EPHA10: variants seen among roughly 807,000 people sequenced by gnomAD.
EPHA10 encodes the protein ephrin type-A receptor 10.
Under a neutral mutation model 109.7 loss-of-function variants are expected in EPHA10, and 120 were observed. The observed-to-expected ratio is 1.09, with a 90% CI of 0.94 to 1.27. The LOEUF is 1.27. Among genes scored for constraint, EPHA10 ranks in the 50% most tolerant of loss-of-function variants. The pLI is 0.00. For synonymous variants in EPHA10, 640 were observed against 618.9 expected, an observed-to-expected ratio of 1.03 and a Z score of -0.51; for missense variants, 1,396 against 1,411.1, an observed-to-expected ratio of 0.99 and a Z score of 0.17.
At chr1:37,721,315 C>A (rs1177200687) in intron 11 of EPHA10, among the ~76,000 whole-genome samples, 5 of 150,508 alleles carry the variant, frequency 3.3e-5, no homozygotes, top group Non-Finnish European at 7.4e-5. Context: ...GTAGTCCCAG[C>A]TGCTCGGGAG....
chr1:37,762,087 G>A lies in EPHA10; in HGVS notation c.172-4C>T. Reference sequence around the variant, plus strand: ...CCACGCCGCTGATCTCCTCCCACTGGGGACAAGAGTAAAGGGGTGGGCAGC... The same window carrying A: ...CCACGCCGCTGATCTCCTCCCACTGAGGACAAGAGTAAAGGGGTGGGCAGC... On this transcript the variant is annotated splice_region_variant and splice_polypyrimidine_tract_variant and intron_variant, in intron 2 of 16. Coordinates refer to ENST00000373048, the MANE Select transcript of EPHA10 (RefSeq NM_001099439.2). 1 of 1,574,876 alleles carries A rather than the reference G, an allele frequency of 6.3e-7. No homozygotes were observed. Among genetic ancestry groups the A allele is most frequent in the Non-Finnish European group, 8.6e-7 (1 of 1,158,486 alleles).
intron 5 of EPHA10, among the ~76,000 whole-genome samples, chr1:37,748,471 T>C (rs894997345): frequency 2.6e-5 from 4 of 152,226 alleles, no homozygotes; most frequent in Non-Finnish European, 5.9e-5. Flanking sequence ...TTGTTAAAAC[T>C]GTCCCAGAGC....
intron 10 of EPHA10, chr1:37,722,694 G>A (rs2148313168): frequency 2.5e-6 from 1 of 397,914 alleles, no homozygotes; most frequent in Non-Finnish European, 4.9e-6. Flanking sequence ...CAGTGGGAGA[G>A]CCAGGACTAG....
At chr1:37,719,709 C>T in intron 14 of EPHA10, 102 bp from the exon 15 acceptor site, 1 of 1,434,152 alleles carries the variant, frequency 7.0e-7, no homozygotes, top group Non-Finnish European at 9.6e-7. Context: ...CACACACACA[C>T]ACATGCGCAC....
At chr1:37,715,965 G>A (rs779021408), downstream of EPHA10, 17 of 583,444 alleles carry the variant, frequency 2.9e-5, 1 homozygote, top group South Asian at 2.2e-4. Flanking sequence ...GCCACTCAAA[G>A]AGGCACCATA....
chr1:37,720,032 G>A lies in EPHA10; in HGVS notation c.2439C>T (p.Ala813=), dbSNP rs780310300. 9.9e-6 allele frequency: 16 copies of A among 1,613,510 alleles called. No homozygotes were observed. Among genetic ancestry groups the A allele is most frequent in the African/African-American group, 6.7e-5 (5 of 74,904 alleles). ...TMSGRSPALW[A]APETLQFGHF... Reference sequence around the variant, plus strand: ...GGCCAAACTGAAGTGTCTCGGGAGCGGCCCATAGCGCTGGGCTCCGGCCAC... The same window carrying A: ...GGCCAAACTGAAGTGTCTCGGGAGCAGCCCATAGCGCTGGGCTCCGGCCAC... The change falls in exon 14 of 17, where the codon GCC becomes GCT. Residue 813 remains alanine (A), a synonymous_variant. Coordinates refer to ENST00000373048, the MANE Select transcript of EPHA10 (RefSeq NM_001099439.2).
In EPHA10 at chr1:37,720,031, C is replaced by T. The variant is rs376540009; in HGVS notation, c.2440G>A (p.Ala814Thr). Reference sequence around the variant, plus strand: ...TGGCCAAACTGAAGTGTCTCGGGAGCGGCCCATAGCGCTGGGCTCCGGCCA... The same window carrying T: ...TGGCCAAACTGAAGTGTCTCGGGAGTGGCCCATAGCGCTGGGCTCCGGCCA... ...MSGRSPALWA[A>T]PETLQFGHFS... Residue 814 changes from alanine to threonine, a missense_variant, in exon 14 of 17, where the codon GCT becomes ACT. By Grantham distance (58) the Ala-to-Thr change is moderately conservative. Coordinates refer to ENST00000373048, the MANE Select transcript of EPHA10 (RefSeq NM_001099439.2). The T allele has an allele frequency of 3.5e-5, 57 of 1,613,484 alleles. No homozygotes were observed. The highest frequency in any genetic ancestry group is 2.4e-4 in the African/African-American group (18 of 74,906).
chr1:37,730,362 G>A (rs866140374), intron 7 of EPHA10, among the ~76,000 whole-genome samples: 3 of 152,192 alleles, frequency 2.0e-5, no homozygotes, highest in Non-Finnish European at 1.5e-5. Context: ...GTGCCAGAAT[G>A]CCTCTTAGGG....
At chr1:37,746,896 T>C (rs1392051330) in intron 5 of EPHA10, among the ~76,000 whole-genome samples, 3 of 152,204 alleles carry the variant, frequency 2.0e-5, no homozygotes, top group Non-Finnish European at 4.4e-5. Context: ...ATTCCATGTA[T>C]TGAGATGCCA....
intron 5 of EPHA10, among the ~76,000 whole-genome samples, chr1:37,739,688 CAAAAAA>C (rs66804054): frequency 0.27 from 20,792 of 78,024 alleles, 1,648 homozygotes; most frequent in South Asian, 0.34. Flanking sequence ...GACCCTGTCT[CAAAAAA>C]AAAAAAAAAA....
At position 37,765,097 on chromosome 1, in the gene EPHA10, C is replaced by A. The variant is rs750088625; in HGVS notation, c.-31G>T. On this transcript the variant is annotated 5_prime_UTR_variant, in exon 1 of 17. Transcript: ENST00000373048. ...GCAGACCGAGCTGTCAGTCCGGCGG[C>A]GGCTCAAGCCGCGCCAGCCTAGCAC... The A allele has an allele frequency of 6.4e-7, 1 of 1,553,296 alleles. No homozygotes were observed.
intron 11 of EPHA10, 148 bp downstream of exon 11, chr1:37,721,512 T>G: frequency 1.3e-6 from 1 of 744,134 alleles, no homozygotes. Context: ...CCGCCTTGAG[T>G]CAGTGAAAGC....
At chr1:37,750,280 G>A (rs562762751) in intron 5 of EPHA10, among the ~76,000 whole-genome samples, 47 of 152,190 alleles carry the variant, frequency 3.1e-4, no homozygotes, top group Non-Finnish European at 5.0e-4. Context: ...ACCTTTTCAC[G>A]TTGGCAAAAT....
intron 8 of EPHA10, among the ~76,000 whole-genome samples, chr1:37,726,253 A>G (rs189462815): frequency 6.6e-6 from 1 of 151,814 alleles, no homozygotes; most frequent in African/African-American, 2.4e-5. Flanking sequence ...GGAACTCCCT[A>G]CTCTTGTCCT....
chr1:37,730,318 A>G (rs1210086191), intron 7 of EPHA10, among the ~76,000 whole-genome samples: 1 of 152,168 alleles, frequency 6.6e-6, no homozygotes. Context: ...AGAGTCATGT[A>G]GCAGGTTGGA....
chr1:37,753,034 G>T lies in EPHA10; in HGVS notation c.1199C>A (p.Pro400Gln), dbSNP rs1289081385. ...EPCGPRVAFL[P>Q]RQAGLRERAA... ...TCGCTCCCGCAGCCCTGCCTGGCGC[G>T]GTAGGAAGGCCACGCGCGGCCCGCA... Residue 400 changes from proline to glutamine, a missense_variant, in exon 5 of 17, where the codon CCG becomes CAG. Physicochemically the swap from Pro to Gln is moderately conservative, Grantham distance 76. Coordinates refer to ENST00000373048, the MANE Select transcript of EPHA10 (RefSeq NM_001099439.2). 6 of 1,233,398 alleles carry T rather than the reference G, an allele frequency of 4.9e-6. No individual in the cohort carries two copies. Among genetic ancestry groups the T allele is most frequent in the African/African-American group, 4.8e-5 (3 of 62,752 alleles). 76.4% of individuals were successfully genotyped at this position (1,233,398 alleles called of 1,614,324 possible). A position where few individuals can be genotyped will look rare whatever the true frequency, so the allele number is the denominator to read the frequency against.
rs1193340626 is a variant in EPHA10 at position 37,735,266 on chromosome 1, G to A, written c.1482C>T (p.Tyr494=). Residue 494 remains tyrosine, a synonymous_variant, in exon 6 of 17, where the codon TAC becomes TAT. Transcript: ENST00000373048. ...GANDTEYEIR[Y]YEKGQSEQTY... is the part of the protein sequence containing the mutation. ...CCAGACACGCACTCACCTTCTCGTA[G>A]TATCGGATCTCGTACTCCGTGTCAT... 1.9e-6 allele frequency: 3 copies of A among 1,567,096 alleles called. No homozygotes were observed. Among genetic ancestry groups the A allele is most frequent in the East Asian group, 2.4e-5 (1 of 42,154 alleles).
chr1:37,723,296 G>T lies in EPHA10; in HGVS notation c.1834+15C>A. 6.2e-7 allele frequency: 1 copy of T among 1,613,688 alleles called. No individual in the cohort carries two copies. Among genetic ancestry groups the T allele is most frequent in the Non-Finnish European group, 8.5e-7 (1 of 1,179,806 alleles). Reference sequence around the variant, plus strand: ...GTGGAGCCCGCCCCTCCCCAGCCAGGCCCAGCCAACTCACAGTGGAAATAC... The same window carrying T: ...GTGGAGCCCGCCCCTCCCCAGCCAGTCCCAGCCAACTCACAGTGGAAATAC... On this transcript the variant is annotated intron_variant, in intron 9 of 16. Coordinates refer to ENST00000373048, the MANE Select transcript of EPHA10 (RefSeq NM_001099439.2).
rs1646457644 is a variant in EPHA10, at chr1:37,764,355, A to G, written c.106+606T>C. On this transcript the variant is annotated intron_variant, in intron 1 of 16. Transcript: ENST00000373048. The surrounding 1 kb of genome is among the most constrained non-coding windows in gnomAD (Gnocchi z 5.8). ...CGCCTCTGGATTCAACTGAGCGTAT[A>G]GCTCCCCTAAATGCACAATCAGAGG... 6.6e-6 allele frequency among the ~76,000 whole-genome samples: 1 copy of G among 152,160 alleles called. No individual in the cohort carries two copies. The highest frequency in any genetic ancestry group is 2.4e-5 in the African/African-American group (1 of 41,448).
Sources: gnomAD v4.1 joint callset for allele counts (sites outside exome capture counted in the v4.1 genomes callset) on GRCh38, gnomAD v4.1.1 for gene constraint, Gnocchi (gnomAD v3.1) non-coding constraint, MANE v1.5 for transcripts, NCBI Gene and HGNC (gene_info 2026-07-23, HGNC 2026-07-21) for gene names.